The following OTOG variants were observed in gnomAD, a reference collection of about 807,000 sequenced individuals.
The protein encoded by OTOG is otogelin.
OTOG carries 296 observed loss-of-function variants against 313.8 expected under a neutral mutation model. The ratio of observed to expected loss-of-function variants is 0.94; its 90% confidence interval spans 0.86 to 1.04. The LOEUF (loss-of-function observed/expected upper bound fraction) is 1.04. Ranked by LOEUF, OTOG falls within the 50% of genes least tolerant of loss-of-function variation. OTOG has a pLI of 0.00. For synonymous variants in OTOG, 1,533 were observed against 1,554.9 expected, an observed-to-expected ratio of 0.99 and a Z score of 0.33; for missense variants, 3,948 against 3,840.1, an observed-to-expected ratio of 1.03 and a Z score of -0.74.
chr11:17,587,746 T>C (rs117179999), intron 24 of OTOG, among the ~76,000 whole-genome samples: 1,772 of 152,282 alleles, frequency 0.012, 69 homozygotes, highest in East Asian at 0.12. Flanking sequence ...CTGGGTATAA[T>C]GTTAAGACAC....
chr11:17,596,761 T>C, intron 29 of OTOG, 90 bp from the exon 30 acceptor site: 1 of 1,223,934 alleles, frequency 8.2e-7, no homozygotes, highest in Non-Finnish European at 1.2e-6. Flanking sequence ...CGTGGTCCCT[T>C]CATGTTGGTG....
chr11:17,564,966 T>C (rs1476925452), intron 15 of OTOG, among the ~76,000 whole-genome samples: 3 of 152,190 alleles, frequency 2.0e-5, no homozygotes, highest in Non-Finnish European at 4.4e-5. Context: ...GACTTTATGT[T>C]TTAGAACATC....
chr11:17,559,603 C>T lies in OTOG; in HGVS notation c.1283C>T (p.Pro428Leu). The change falls in exon 12 of 56, where the codon CCC (proline) becomes CTC (leucine). Residue 428 changes from proline (P) to leucine (L), a missense_variant. Coordinates refer to ENST00000399397, the MANE Select transcript of OTOG (RefSeq NM_001292063.2). ...CIACCPASCH[P>L]RASCVDSEIA... ...GCCTGCTGCCCTGCCTCCTGCCATC[C>T]CCGGGCATCCTGTGTGGACAGTGAG... is the stretch of plus-strand genomic sequence containing the variant. 1 of 1,550,894 alleles carries T rather than the reference C, an allele frequency of 6.4e-7. No individual in the cohort carries two copies.
Position 17,633,633 on chromosome 11 carries a change from C to G in OTOG, c.7073-47C>G, listed in dbSNP as rs528052931. On this transcript the variant is annotated intron_variant, in intron 42 of 55. Transcript: ENST00000399397. ...GTTCTTTCGGCCCTCAGTGGGGAGCCCTGCCTGGGGTCTGAGGTAGGCCTG... is the reference window on the plus strand; with the variant it reads ...GTTCTTTCGGCCCTCAGTGGGGAGCGCTGCCTGGGGTCTGAGGTAGGCCTG... The G allele has an allele frequency of 3.5e-5, 51 of 1,467,840 alleles. 1 individual carries two copies. The South Asian group carries it at 6.5e-4, about 19-fold the overall frequency. 90.9% of individuals were successfully genotyped at this position (1,467,840 alleles called of 1,614,324 possible).
At chr11:17,558,793 G>T (rs1036440974) in intron 10 of OTOG, 149 bp downstream of exon 10, 1 of 929,056 alleles carries the variant, frequency 1.1e-6, no homozygotes, top group Non-Finnish European at 1.6e-6. Context: ...GGACAGAGCT[G>T]CCCCATTCAA....
chr11:17,627,056 G>A (rs552078237), intron 39 of OTOG, among the ~76,000 whole-genome samples: 262 of 152,040 alleles, frequency 1.7e-3, no homozygotes, highest in Non-Finnish European at 2.6e-3. Context: ...AGATTATATC[G>A]TCTGCAAACA....
At chr11:17,605,731 G>C in intron 32 of OTOG, 126 bp from the exon 33 acceptor site, 1 of 1,050,012 alleles carries the variant, frequency 9.5e-7, no homozygotes, top group African/African-American at 1.6e-5. Flanking sequence ...TAGGGGGCAG[G>C]GCCTGCTGGT....
rs73418056 is a variant in OTOG at position 17,555,646 on chromosome 11, C to G, written c.541-133C>G. 2,185 of 675,474 alleles carry G rather than the reference C, an allele frequency of 3.2e-3. 38 individuals are homozygous for G. The highest frequency in any genetic ancestry group is 0.03 in the African/African-American group (1,695 of 56,370). 41.8% of individuals were successfully genotyped at this position (675,474 alleles called of 1,614,324 possible). ...CCCTCTGTGATGTATGGGGACTGAG[C>G]GAGATCACAGAGGAAAGGCAGTTGG... On this transcript the variant is annotated intron_variant, in intron 6 of 55. Transcript: ENST00000399397.
rs1565093565 is a variant in OTOG at position 17,562,049 on chromosome 11, ATATAT to A, written c.1644+243_1644+247del. Among the ~76,000 whole-genome samples the A allele has an allele frequency of 4.9e-3, 574 of 117,306 alleles. 3 individuals carry two copies. Among genetic ancestry groups the A allele is most frequent in the Non-Finnish European group, 7.0e-3 (410 of 58,556 alleles). 77.0% of individuals were successfully genotyped at this position (117,306 alleles called of 152,430 possible). A position where few individuals can be genotyped will look rare whatever the true frequency, so the allele number is the denominator to read the frequency against. ...GGATTTTACTACCTAAAAAAAAAAT[ATATAT>A]ATATATATATATATATATGTATGTA... On this transcript the variant is annotated intron_variant, in intron 15 of 55. Transcript: ENST00000399397.
intron 11 of OTOG, 134 bp from the exon 12 acceptor site, chr11:17,559,400 G>A (rs1852128945): frequency 4.8e-6 from 6 of 1,248,714 alleles, no homozygotes; most frequent in Non-Finnish European, 6.5e-6. Context: ...GGCACCCAAT[G>A]CTCCCTCTGG....
At chr11:17,634,987 AGGGCAGTGGGGGGAGGACAGCTCTGG>A in intron 45 of OTOG, 39 bp downstream of exon 45, 1 of 1,492,934 alleles carries the variant, frequency 6.7e-7, no homozygotes, top group Non-Finnish European at 9.1e-7. Context: ...GGACGGACTG[AGGGCAGTGGGGGGAGGACAGCTCTGG>A]GGGCAGGGGC....
chr11:17,635,010 C>T (rs1414574283), intron 45 of OTOG, 62 bp downstream of exon 45: 7 of 1,535,772 alleles, frequency 4.6e-6, no homozygotes, highest in Non-Finnish European at 5.3e-6. Flanking sequence ...GAGGACAGCT[C>T]TGGGGGCAGG....
chr11:17,643,337 C>A, intron 53 of OTOG, 124 bp from the exon 54 acceptor site: 1 of 615,516 alleles, frequency 1.6e-6, no homozygotes, highest in Non-Finnish European at 2.5e-6. Context: ...TATGCTCCTG[C>A]CCTGGGGCAT....
In OTOG at chr11:17,605,846, G is replaced by A. The variant is rs1853369898; in HGVS notation, c.3878-11G>A. Reference sequence around the variant, plus strand: ...TGCCTGTACTGACTCTCCCCATGTGGTTCTCTGCAGACCCAGATGTGGTGT... The same window carrying A: ...TGCCTGTACTGACTCTCCCCATGTGATTCTCTGCAGACCCAGATGTGGTGT... On this transcript the variant is annotated splice_polypyrimidine_tract_variant and intron_variant, in intron 32 of 55. Coordinates refer to ENST00000399397, the MANE Select transcript of OTOG (RefSeq NM_001292063.2). 1 of 1,530,202 alleles carries A rather than the reference G, an allele frequency of 6.5e-7. No homozygotes were observed. The allele number at this position is 1,530,202 out of a possible 1,614,324, so 94.8% of individuals were successfully genotyped here. A position where few individuals can be genotyped will look rare whatever the true frequency, so the allele number is the denominator to read the frequency against.
At position 17,613,649 on chromosome 11, in the gene OTOG, T is replaced by G. The variant is rs1404634228; in HGVS notation, c.6476T>G (p.Leu2159Trp). 3.9e-6 allele frequency: 6 copies of G among 1,550,660 alleles called. No individual in the cohort carries two copies. In the African/African-American group the frequency reaches 8.2e-5, roughly 21 times the overall value. Residue 2159 changes from leucine (L) to tryptophan (W), a missense_variant, in exon 39 of 56, where the codon TTG becomes TGG. Leu to Trp is a moderately conservative substitution (Grantham distance 61). Coordinates refer to ENST00000399397, the MANE Select transcript of OTOG (RefSeq NM_001292063.2). Reference protein sequence around the residue: ...LNWPPFCLVMLNMTHLAHQVT... With the variant: ...LNWPPFCLVMWNMTHLAHQVT... The stretch of plus-strand genomic sequence containing the variant: ...TGGCCCCCGTTCTGTCTGGTGATGT[T>G]GAACATGACTCACTTGGCCCATCAG...
At chr11:17,634,447 G>A (rs1204595140) in intron 44 of OTOG, among the ~76,000 whole-genome samples, 166 bp downstream of exon 44, 1 of 152,152 alleles carries the variant, frequency 6.6e-6, no homozygotes, top group African/African-American at 2.4e-5. Flanking sequence ...CAGGGGCAGA[G>A]GCTCAGGAGT....
chr11:17,579,846 C>T (rs7106861), intron 23 of OTOG, among the ~76,000 whole-genome samples: 2,131 of 152,150 alleles, frequency 0.014, 54 homozygotes, highest in African/African-American at 0.048. Flanking sequence ...GACTGGAGAC[C>T]GGGAGACCGG....
chr11:17,633,879 G>T lies in OTOG; in HGVS notation c.7267+5G>T. ...GCATCCCGGAGGCCAAGTGCGGTAGGTTCCTCCCCTCCCTGAGTGGGGGGC... is the reference window on the plus strand; with the variant it reads ...GCATCCCGGAGGCCAAGTGCGGTAGTTTCCTCCCCTCCCTGAGTGGGGGGC... On this transcript the variant is annotated splice_donor_5th_base_variant and intron_variant, in intron 43 of 55. Coordinates refer to ENST00000399397, the MANE Select transcript of OTOG (RefSeq NM_001292063.2). The T allele has an allele frequency of 6.6e-7, 1 of 1,525,366 alleles. No individual in the cohort carries two copies. Among genetic ancestry groups the T allele is most frequent in the Non-Finnish European group, 8.8e-7 (1 of 1,134,562 alleles). The allele number at this position is 1,525,366 out of a possible 1,614,324, so 94.5% of individuals were successfully genotyped here. A position where few individuals can be genotyped will look rare whatever the true frequency, so the allele number is the denominator to read the frequency against.
intron 20 of OTOG, 80 bp from the exon 21 acceptor site, chr11:17,576,476 A>G (rs1852528537): frequency 8.7e-7 from 1 of 1,152,536 alleles, no homozygotes; most frequent in Non-Finnish European, 1.3e-6. Flanking sequence ...TGGTTGGCTG[A>G]GGGTGGGGTC....
Sources: allele counts gnomAD v4.1 joint callset (sites outside exome capture counted in the v4.1 genomes callset), GRCh38; gene constraint gnomAD v4.1.1; transcripts MANE v1.5; gene names NCBI Gene and HGNC (gene_info 2026-07-23, HGNC 2026-07-21).